MYOD1: variants seen among roughly 807,000 people sequenced by gnomAD.
MYOD1 encodes myogenic differentiation 1.
Under a neutral mutation model 14.9 loss-of-function variants are expected in MYOD1, and 15 were observed. That is an observed-to-expected ratio of 1.01 (90% CI 0.67 to 1.55). MYOD1 has a LOEUF of 1.55. MYOD1 is among the 40% of genes most tolerant of loss of function. The probability of loss-of-function intolerance (pLI) is 0.00; values close to 1 mark genes in which losing one functional copy is unlikely to be tolerated. For synonymous variants in MYOD1, 235 were observed against 218.6 expected, an observed-to-expected ratio of 1.07 and a Z score of -0.66; for missense variants, 529 against 482.6, an observed-to-expected ratio of 1.10 and a Z score of -0.90.
chr11:17,719,608 C>T lies in MYOD1; in HGVS notation c.-175C>T. 1 of 847,590 alleles carries T rather than the reference C, an allele frequency of 1.2e-6. No homozygotes were observed. The highest frequency in any genetic ancestry group is 1.8e-6 in the Non-Finnish European group (1 of 569,804). 52.5% of individuals were successfully genotyped at this position (847,590 alleles called of 1,614,324 possible). The stretch of plus-strand genomic sequence containing the variant: ...GCCCTGGGGCGCTGCCGCCGCTTTC[C>T]TTAACCACAAATCAGGCCGGACAGG... On this transcript the variant is annotated 5_prime_UTR_variant, in exon 1 of 3. Coordinates refer to ENST00000250003, the MANE Select transcript of MYOD1 (RefSeq NM_002478.5).
chr11:17,720,829 G>T (rs1250276617), intron 1 of MYOD1, 73 bp from the exon 2 acceptor site: 2 of 1,485,384 alleles, frequency 1.3e-6, no homozygotes, highest in African/African-American at 2.8e-5. Flanking sequence ...TAGGGAGGGG[G>T]CGGCTACAGG....
Position 17,720,034 on chromosome 11 carries a change from C to T in MYOD1, c.252C>T (p.Pro84=), listed in dbSNP as rs747977139. The part of the protein sequence containing the change: ...GAREDEHVRA[P]SGHHQAGRCL... ...GTGAGGACGAGCATGTGCGCGCGCC[C>T]AGCGGGCACCACCAGGCGGGCCGCT... The change falls in exon 1 of 3, where the codon CCC becomes CCT. Residue 84 remains proline (P), a synonymous_variant. Coordinates refer to ENST00000250003, the MANE Select transcript of MYOD1 (RefSeq NM_002478.5). 6 of 1,580,754 alleles carry T rather than the reference C, an allele frequency of 3.8e-6. No homozygotes were observed. The highest frequency in any genetic ancestry group is 5.2e-6 in the Non-Finnish European group (6 of 1,163,730).
rs1252917027 is a variant in MYOD1, at chr11:17,721,195, G to A, written c.710-60G>A. ...CAATCTGTCTCAAAGTACTGGGCCC[G>A]GGGGTGGGAGGCTTGTCGCGGCCCC... is the stretch of plus-strand genomic sequence containing the variant. On this transcript the variant is annotated intron_variant, in intron 2 of 2. Transcript: ENST00000250003. The surrounding 1 kb of genome is among the most constrained non-coding windows in gnomAD (Gnocchi z 6.2). The A allele has an allele frequency of 4.8e-6, 7 of 1,458,362 alleles. No individual in the cohort carries two copies. The highest frequency in any genetic ancestry group is 6.3e-6 in the Non-Finnish European group (7 of 1,105,968). 90.3% of individuals were successfully genotyped at this position (1,458,362 alleles called of 1,614,324 possible).
intron 1 of MYOD1, 83 bp downstream of exon 1, chr11:17,720,495 C>T: frequency 6.9e-7 from 1 of 1,443,848 alleles, no homozygotes; most frequent in African/African-American, 1.5e-5. Context: ...GGGGAGCTGG[C>T]CTTGCGGGAG....
Position 17,721,082 on chromosome 11 carries a change from C to A in MYOD1, c.709+102C>A. 7.1e-7 allele frequency: 1 copy of A among 1,416,566 alleles called. No homozygotes were observed. Among genetic ancestry groups the A allele is most frequent in the Non-Finnish European group, 9.4e-7 (1 of 1,067,238 alleles). The allele number at this position is 1,416,566 out of a possible 1,614,324, so 87.7% of individuals were successfully genotyped here. ...ACCCCCACTCACACACGCCTATGTC[C>A]TGGGAAGTGGTGCAGGAGATGAAAT... On this transcript the variant is annotated intron_variant, in intron 2 of 2. Coordinates refer to ENST00000250003, the MANE Select transcript of MYOD1 (RefSeq NM_002478.5). The surrounding 1 kb of genome is among the most constrained non-coding windows in gnomAD (Gnocchi z 6.2).
Position 17,720,034 on chromosome 11 carries a change from C to A in MYOD1, c.252C>A (p.Pro84=). 6.3e-7 allele frequency: 1 copy of A among 1,580,752 alleles called. No homozygotes were observed. Among genetic ancestry groups the A allele is most frequent in the Non-Finnish European group, 8.6e-7 (1 of 1,163,728 alleles). ...GAREDEHVRA[P]SGHHQAGRCL... is the part of the protein sequence containing the mutation. Reference sequence around the variant, plus strand: ...GTGAGGACGAGCATGTGCGCGCGCCCAGCGGGCACCACCAGGCGGGCCGCT... The same window carrying A: ...GTGAGGACGAGCATGTGCGCGCGCCAAGCGGGCACCACCAGGCGGGCCGCT... The change falls in exon 1 of 3, where the codon CCC becomes CCA. Residue 84 remains proline, a synonymous_variant. Coordinates refer to ENST00000250003, the MANE Select transcript of MYOD1 (RefSeq NM_002478.5).
chr11:17,721,079 G>A lies in MYOD1; in HGVS notation c.709+99G>A. ...CCCACCCCCACTCACACACGCCTAT[G>A]TCCTGGGAAGTGGTGCAGGAGATGA... On this transcript the variant is annotated intron_variant, in intron 2 of 2. Coordinates refer to ENST00000250003, the MANE Select transcript of MYOD1 (RefSeq NM_002478.5). The surrounding 1 kb of genome is among the most constrained non-coding windows in gnomAD (Gnocchi z 6.2). 2 of 1,416,200 alleles carry A rather than the reference G, an allele frequency of 1.4e-6. No individual in the cohort carries two copies. Among genetic ancestry groups the A allele is most frequent in the Non-Finnish European group, 1.9e-6 (2 of 1,066,878 alleles). 87.7% of individuals were successfully genotyped at this position (1,416,200 alleles called of 1,614,324 possible). A position where few individuals can be genotyped will look rare whatever the true frequency, so the allele number is the denominator to read the frequency against.
Position 17,720,133 on chromosome 11 carries a change from C to T in MYOD1, c.351C>T (p.Arg117=), listed in dbSNP as rs1182160405. 3 of 1,593,840 alleles carry T rather than the reference C, an allele frequency of 1.9e-6. No homozygotes were observed. The highest frequency in any genetic ancestry group is 2.3e-5 in the South Asian group (2 of 88,490). ...NADRRKAATM[R]ERRRLSKVNE... Reference sequence around the variant, plus strand: ...ACCGCCGCAAGGCCGCCACCATGCGCGAGCGGCGCCGCCTGAGCAAAGTAA... The same window carrying T: ...ACCGCCGCAAGGCCGCCACCATGCGTGAGCGGCGCCGCCTGAGCAAAGTAA... The change falls in exon 1 of 3, where the codon CGC becomes CGT. Residue 117 remains arginine, a synonymous_variant. Transcript: ENST00000250003.
rs1004377318 is a variant in MYOD1, at chr11:17,720,141, G to A, written c.359G>A (p.Arg120His). The change falls in exon 1 of 3, where the codon CGC becomes CAC. Residue 120 changes from arginine to histidine, a missense_variant. Transcript: ENST00000250003. ...RRKAATMRERRRLSKVNEAFE... is the reference protein window; with the variant it reads ...RRKAATMRERHRLSKVNEAFE... ...AAGGCCGCCACCATGCGCGAGCGGC[G>A]CCGCCTGAGCAAAGTAAATGAGGCC... The A allele has an allele frequency of 1.3e-6, 2 of 1,596,834 alleles. No homozygotes were observed. Among genetic ancestry groups the A allele is most frequent in the South Asian group, 2.3e-5 (2 of 88,810 alleles).
chr11:17,720,492 T>G, intron 1 of MYOD1, 80 bp downstream of exon 1: 1 of 1,449,216 alleles, frequency 6.9e-7, no homozygotes, highest in Non-Finnish European at 9.0e-7. Context: ...GGCGGGGAGC[T>G]GGCCTTGCGG....
In MYOD1 at chr11:17,720,210, G is replaced by C. The variant is rs1848622167; in HGVS notation, c.428G>C (p.Arg143Pro). The change falls in exon 1 of 3, where the codon CGG (arginine) becomes CCG (proline). Residue 143 changes from arginine (R) to proline (P), a missense_variant. By Grantham distance (103) the Arg-to-Pro change is moderately radical (BLOSUM62 -2). Coordinates refer to ENST00000250003, the MANE Select transcript of MYOD1 (RefSeq NM_002478.5). The part of the protein sequence containing the change: ...KRCTSSNPNQ[R>P]LPKVEILRNA... ...TGCACGTCGAGCAATCCAAACCAGC[G>C]GTTGCCCAAGGTGGAGATCCTGCGC... 3.1e-6 allele frequency: 5 copies of C among 1,609,014 alleles called. No individual in the cohort carries two copies. In the African/African-American group the frequency reaches 4.0e-5, roughly 13 times the overall value.
chr11:17,719,577 G>A lies in MYOD1; in HGVS notation c.-206G>A. 1 of 640,524 alleles carries A rather than the reference G, an allele frequency of 1.6e-6. No homozygotes were observed. Among genetic ancestry groups the A allele is most frequent in the Non-Finnish European group, 2.6e-6 (1 of 383,536 alleles). 39.7% of individuals were successfully genotyped at this position (640,524 alleles called of 1,614,324 possible). A position where few individuals can be genotyped will look rare whatever the true frequency, so the allele number is the denominator to read the frequency against. ...GGGCGCCTGGCGAGAAGCTAGGGGT[G>A]AGGAAGCCCTGGGGCGCTGCCGCCG... On this transcript the variant is annotated 5_prime_UTR_variant, in exon 1 of 3. Transcript: ENST00000250003.
In MYOD1 at chr11:17,720,259, C is replaced by G; in HGVS notation, c.477C>G (p.Gly159=). 6.2e-7 allele frequency: 1 copy of G among 1,602,314 alleles called. No individual in the cohort carries two copies. Among genetic ancestry groups the G allele is most frequent in the Non-Finnish European group, 8.5e-7 (1 of 1,176,472 alleles). The change falls in exon 1 of 3, where the codon GGC becomes GGG. Residue 159 remains glycine (G), a synonymous_variant. Coordinates refer to ENST00000250003, the MANE Select transcript of MYOD1 (RefSeq NM_002478.5). ...ILRNAIRYIE[G]LQALLRDQDA... Reference sequence around the variant, plus strand: ...GCAACGCCATCCGCTATATCGAGGGCCTGCAGGCTCTGCTGCGCGACCAGG... The same window carrying G: ...GCAACGCCATCCGCTATATCGAGGGGCTGCAGGCTCTGCTGCGCGACCAGG...
rs1349199496 is a variant in MYOD1 at position 17,720,020 on chromosome 11, C to A, written c.238C>A (p.His80Asn). The A allele has an allele frequency of 6.3e-7, 1 of 1,590,574 alleles. No homozygotes were observed. The highest frequency in any genetic ancestry group is 8.6e-7 in the Non-Finnish European group (1 of 1,168,896). Residue 80 changes from histidine (H) to asparagine (N), a missense_variant, in exon 1 of 3, where the codon CAT becomes AAT. Physicochemically the swap from His to Asn is moderately conservative, Grantham distance 68. Coordinates refer to ENST00000250003, the MANE Select transcript of MYOD1 (RefSeq NM_002478.5). ...HPAPGAREDEHVRAPSGHHQA... is the reference protein window; with the variant it reads ...HPAPGAREDENVRAPSGHHQA... Reference sequence around the variant, plus strand: ...GGCCCCGGGCGCACGTGAGGACGAGCATGTGCGCGCGCCCAGCGGGCACCA... The same window carrying A: ...GGCCCCGGGCGCACGTGAGGACGAGAATGTGCGCGCGCCCAGCGGGCACCA...
Position 17,720,289 on chromosome 11 carries a change from C to A in MYOD1, c.507C>A (p.Ala169=). 1.3e-6 allele frequency: 2 copies of A among 1,594,586 alleles called. No homozygotes were observed. The highest frequency in any genetic ancestry group is 8.5e-7 in the Non-Finnish European group (1 of 1,173,814). The change falls in exon 1 of 3, where the codon GCC becomes GCA. Residue 169 remains alanine (A), a synonymous_variant. Coordinates refer to ENST00000250003, the MANE Select transcript of MYOD1 (RefSeq NM_002478.5). The stretch of plus-strand genomic sequence containing the variant: ...AGGCTCTGCTGCGCGACCAGGACGC[C>A]GCGCCCCCTGGCGCCGCAGCCGCCT... ...GLQALLRDQD[A]APPGAAAAFY...
Position 17,720,320 on chromosome 11 carries a change from G to A in MYOD1, c.538G>A (p.Ala180Thr). ...APPGAAAAFYAPGPLPPGRGG... is the reference protein window; with the variant it reads ...APPGAAAAFYTPGPLPPGRGG... The stretch of plus-strand genomic sequence containing the variant: ...CCCTGGCGCCGCAGCCGCCTTCTAT[G>A]CGCCGGGCCCGCTGCCCCCGGGCCG... Residue 180 changes from alanine to threonine, a missense_variant, in exon 1 of 3, where the codon GCG becomes ACG. Physicochemically the swap from Ala to Thr is moderately conservative, Grantham distance 58. Coordinates refer to ENST00000250003, the MANE Select transcript of MYOD1 (RefSeq NM_002478.5). 6.4e-7 allele frequency: 1 copy of A among 1,571,524 alleles called. No individual in the cohort carries two copies. The highest frequency in any genetic ancestry group is 8.6e-7 in the Non-Finnish European group (1 of 1,165,806).
In MYOD1 at chr11:17,719,738, C is replaced by G; in HGVS notation, c.-45C>G. 1 of 1,562,486 alleles carries G rather than the reference C, an allele frequency of 6.4e-7. No homozygotes were observed. Among genetic ancestry groups the G allele is most frequent in the South Asian group, 1.2e-5 (1 of 82,518 alleles). The stretch of plus-strand genomic sequence containing the variant: ...AGAAAGTTCCGGCCACTCTCTGCCG[C>G]TTGGGTTGGGCGAAGCCAGGACCGT... On this transcript the variant is annotated 5_prime_UTR_variant, in exon 1 of 3. Coordinates refer to ENST00000250003, the MANE Select transcript of MYOD1 (RefSeq NM_002478.5).
chr11:17,720,490 G>A, intron 1 of MYOD1, 78 bp downstream of exon 1: 5 of 1,451,348 alleles, frequency 3.4e-6, no homozygotes, highest in Middle Eastern at 2.4e-4. Flanking sequence ...AGGGCGGGGA[G>A]CTGGCCTTGC....
At position 17,720,374 on chromosome 11, in the gene MYOD1, G is replaced by C; in HGVS notation, c.592G>C (p.Asp198His). Residue 198 changes from aspartate (D) to histidine (H), a missense_variant, in exon 1 of 3, where the codon GAC becomes CAC. By Grantham distance (81) the Asp-to-His change is moderately conservative. Coordinates refer to ENST00000250003, the MANE Select transcript of MYOD1 (RefSeq NM_002478.5). Reference sequence around the variant, plus strand: ...CGGCGAGCACTACAGCGGCGACTCCGACGCGTCCAGCCCGCGCTCCAACTG... The same window carrying C: ...CGGCGAGCACTACAGCGGCGACTCCCACGCGTCCAGCCCGCGCTCCAACTG... ...RGGEHYSGDS[D>H]ASSPRSNCSD... 1 of 1,560,826 alleles carries C rather than the reference G, an allele frequency of 6.4e-7. No homozygotes were observed. Among genetic ancestry groups the C allele is most frequent in the East Asian group, 2.5e-5 (1 of 40,318 alleles).
Sources: gnomAD v4.1 joint callset for allele counts on GRCh38, gnomAD v4.1.1 for gene constraint, Gnocchi (gnomAD v3.1) non-coding constraint, MANE v1.5 for transcripts, NCBI Gene and HGNC (gene_info 2026-07-23, HGNC 2026-07-21) for gene names.